MAP3K15: variants seen among roughly 807,000 people sequenced by gnomAD.
The protein encoded by MAP3K15 is MAPK/ERK kinase kinase 15.
Under a neutral mutation model 99.5 loss-of-function variants are expected in MAP3K15, and 124 were observed. The observed-to-expected ratio is 1.25, with a 90% CI of 1.08 to 1.45. The LOEUF (loss-of-function observed/expected upper bound fraction) is 1.45, where lower values mean the gene tolerates loss of function less well. Among genes scored for constraint, MAP3K15 ranks in the 40% most tolerant of loss-of-function variants. The probability of loss-of-function intolerance (pLI) is 0.00; values close to 1 mark genes in which losing one functional copy is unlikely to be tolerated. For missense variants in MAP3K15, 1,242 were observed against 1,079.7 expected (o/e 1.15, Z -2.11); for synonymous variants, 494 against 439.6 (o/e 1.12, Z -1.55).
intron 6 of MAP3K15, among the ~76,000 whole-genome samples, chrX:19,434,658 G>C (rs1467010767): frequency 2.7e-5 from 3 of 111,866 alleles, no homozygotes; most frequent in East Asian, 5.6e-4. Context: ...TTCCATGACA[G>C]AATTAATCCC....
intron 9 of MAP3K15, among the ~76,000 whole-genome samples, chrX:19,418,463 GA>G (rs200880659): frequency 0.048 from 5,370 of 111,097 alleles, 363 homozygotes; most frequent in African/African-American, 0.17. Flanking sequence ...TCAAATGAAT[GA>G]AATGAAGTGA....
chrX:19,441,260 G>C (rs953168314), intron 6 of MAP3K15, among the ~76,000 whole-genome samples: 1 of 110,497 alleles, frequency 9.1e-6, no homozygotes, highest in African/African-American at 3.3e-5. Flanking sequence ...GAAGAAGAGG[G>C]GGTACCCATT....
At chrX:19,413,239 T>C in intron 11 of MAP3K15, 118 bp downstream of exon 11, 1 of 504,409 alleles carries the variant, frequency 2.0e-6, no homozygotes, top group Non-Finnish European at 3.4e-6. Flanking sequence ...GTGATGATAC[T>C]CTCTCATATA....
chrX:19,482,440 C>A (rs772844425), intron 3 of MAP3K15, among the ~76,000 whole-genome samples: 3 of 111,951 alleles, frequency 2.7e-5, no homozygotes, highest in African/African-American at 9.8e-5. Flanking sequence ...CATCCATGAT[C>A]CTAGTGCATT....
At chrX:19,416,397 C>T (rs1569216909) in intron 9 of MAP3K15, among the ~76,000 whole-genome samples, 1 of 110,644 alleles carries the variant, frequency 9.0e-6, no homozygotes, top group East Asian at 2.8e-4. Context: ...ATGAGAAGTT[C>T]GTCTCTCCAG....
At chrX:19,393,646 A>G (rs1354616035) in intron 16 of MAP3K15, among the ~76,000 whole-genome samples, 1 of 110,596 alleles carries the variant, frequency 9.0e-6, no homozygotes, top group Admixed American at 9.7e-5. Flanking sequence ...TCAAAAAAAA[A>G]AAGAAAAAGC....
At chrX:19,437,446 T>C (rs897132469) in intron 6 of MAP3K15, among the ~76,000 whole-genome samples, 14 of 111,659 alleles carry the variant, frequency 1.3e-4, no homozygotes, top group African/African-American at 3.9e-4. Context: ...TCACCTACTA[T>C]GCTCCAGCTA....
At chrX:19,479,216 G>C (rs1260817029) in intron 3 of MAP3K15, among the ~76,000 whole-genome samples, 1 of 111,735 alleles carries the variant, frequency 8.9e-6, no homozygotes, top group Non-Finnish European at 1.9e-5. Flanking sequence ...GAGCTCGTTA[G>C]GAAGCAGCCC....
At chrX:19,456,760 A>G (rs923412914) in intron 6 of MAP3K15, among the ~76,000 whole-genome samples, 153 bp downstream of exon 6, 1 of 112,191 alleles carries the variant, frequency 8.9e-6, no homozygotes, top group African/African-American at 3.2e-5. Context: ...TGCCAAATAC[A>G]AAGTCCCTGA....
At chrX:19,408,870 A>T (rs186426162) in intron 12 of MAP3K15, among the ~76,000 whole-genome samples, 22 of 110,770 alleles carry the variant, frequency 2.0e-4, no homozygotes, top group African/African-American at 6.9e-4. Context: ...GGCCACAAAT[A>T]CTGTGTCCTG....
intron 1 of MAP3K15, among the ~76,000 whole-genome samples, chrX:19,508,380 C>A (rs1021894525): frequency 9.0e-6 from 1 of 111,561 alleles, no homozygotes; most frequent in African/African-American, 3.3e-5. Context: ...CCATGTTGGC[C>A]AGGCTGGTCT....
chrX:19,476,876 T>G (rs763429759), intron 3 of MAP3K15, among the ~76,000 whole-genome samples: 10 of 111,588 alleles, frequency 9.0e-5, no homozygotes, highest in Non-Finnish European at 1.9e-4. Context: ...AAAAGTCACC[T>G]CATTAAAATC....
chrX:19,402,920 C>A (rs1273283503), intron 13 of MAP3K15, among the ~76,000 whole-genome samples: 1 of 111,869 alleles, frequency 8.9e-6, no homozygotes, highest in Non-Finnish European at 1.9e-5. Context: ...CCTGCCTTGG[C>A]CTCCCAAAGT....
chrX:19,382,267 A>AG (rs1569205113), intron 18 of MAP3K15, among the ~76,000 whole-genome samples: 8 of 106,476 alleles, frequency 7.5e-5, no homozygotes, highest in African/African-American at 2.8e-4. Context: ...AAAAAAAAAA[A>AG]GGAAAGCAAA....
chrX:19,379,401 T>C (rs2063442195), intron 19 of MAP3K15, among the ~76,000 whole-genome samples: 1 of 105,472 alleles, frequency 9.5e-6, no homozygotes, highest in South Asian at 4.5e-4. Flanking sequence ...ACTCCAAAAC[T>C]ACCTACTGTC....
chrX:19,467,352 ATTCTT>A (rs2064175662), intron 3 of MAP3K15, among the ~76,000 whole-genome samples: 2 of 110,660 alleles, frequency 1.8e-5, no homozygotes, highest in Middle Eastern at 4.6e-3. Flanking sequence ...GGCCACCAAC[ATTCTT>A]ATTCCTCGCA....
chrX:19,427,290 T>C (rs2063840462), intron 7 of MAP3K15, among the ~76,000 whole-genome samples: 1 of 111,628 alleles, frequency 9.0e-6, no homozygotes, highest in African/African-American at 3.3e-5. Flanking sequence ...ATTACAGACA[T>C]GAGCCACCCT....
chrX:19,431,523 A>G lies in MAP3K15; in HGVS notation c.1081T>C (p.Phe361Leu), dbSNP rs774390330. ...TTGTAGATCCTCCCACACAGGCAGA[A>G]CATGTCGGGGCCCGGGTGATCACAG... ...QSCDHPGPDM[F>L]CLCGRIYKDI... Residue 361 changes from phenylalanine to leucine, a missense_variant, in exon 7 of 29, where the codon TTC becomes CTC. Coordinates refer to ENST00000338883, the MANE Select transcript of MAP3K15 (RefSeq NM_001001671.4). 2 of 1,200,041 alleles carry G rather than the reference A, an allele frequency of 1.7e-6. No homozygotes were observed. Among genetic ancestry groups the G allele is most frequent in the Admixed American group, 2.2e-5 (1 of 45,997 alleles).
At chrX:19,468,139 G>C (rs780105215) in intron 3 of MAP3K15, among the ~76,000 whole-genome samples, 2 of 112,215 alleles carry the variant, frequency 1.8e-5, no homozygotes, top group East Asian at 5.6e-4. Context: ...CCATGGGGAA[G>C]TTTAAGCTCA....
Sources: gnomAD v4.1 joint callset for allele counts (sites outside exome capture counted in the v4.1 genomes callset) on GRCh38, gnomAD v4.1.1 for gene constraint, MANE v1.5 for transcripts, NCBI Gene and HGNC (gene_info 2026-07-23, HGNC 2026-07-21) for gene names.